The following MRPL1 variants were observed in gnomAD, a reference collection of about 807,000 sequenced individuals.
MRPL1 encodes the protein mitochondrial ribosomal protein L1.
In MRPL1, 28 loss-of-function variants were observed where a neutral mutation model predicts 38.0. The observed-to-expected ratio is 0.74, with a 90% CI of 0.55 to 1.01. The LOEUF is 1.01. Ranked by LOEUF, MRPL1 falls within the 50% of genes least tolerant of loss-of-function variation. The probability of loss-of-function intolerance (pLI) is 0.00; values close to 1 mark genes in which losing one functional copy is unlikely to be tolerated. For synonymous variants in MRPL1, 123 were observed against 126.7 expected (o/e 0.97, Z 0.20); for missense variants, 358 against 389.8 (o/e 0.92, Z 0.69).
At chr4:77,926,977 C>CT (rs960155819) in intron 7 of MRPL1, among the ~76,000 whole-genome samples, 2 of 151,912 alleles carry the variant, frequency 1.3e-5, no homozygotes, top group South Asian at 2.1e-4. Context: ...TTCTCTTTAC[C>CT]TTTTTTTTCT....
chr4:77,887,210 G>C lies in MRPL1; in HGVS notation c.487-10G>C. 1 of 1,606,780 alleles carries C rather than the reference G, an allele frequency of 6.2e-7. No homozygotes were observed. The highest frequency in any genetic ancestry group is 1.1e-5 in the South Asian group (1 of 90,942). ...TAATGATTGATTTTCAAATTATTGT[G>C]TTTTGGTAGAATGCATCAGAGGTCA... On this transcript the variant is annotated splice_polypyrimidine_tract_variant and intron_variant, in intron 4 of 8. Transcript: ENST00000315567.
intron 7 of MRPL1, among the ~76,000 whole-genome samples, chr4:77,940,328 T>G (rs999833448): frequency 6.6e-6 from 1 of 152,198 alleles, no homozygotes. Context: ...GGTTGAGTTC[T>G]TGACTTGATT....
At chr4:77,875,326 G>A (rs1398910583) in intron 2 of MRPL1, among the ~76,000 whole-genome samples, 1 of 152,124 alleles carries the variant, frequency 6.6e-6, no homozygotes, top group East Asian at 1.9e-4. Context: ...CTGGGGAAGA[G>A]TAGGGCAAGA....
chr4:77,895,420 T>TC (rs1478881221), intron 6 of MRPL1, among the ~76,000 whole-genome samples: 1 of 152,050 alleles, frequency 6.6e-6, no homozygotes, highest in Admixed American at 6.6e-5. Flanking sequence ...TAGAGAACTC[T>TC]CCTAATAAGT....
At chr4:77,900,979 T>C (rs1366110591) in intron 6 of MRPL1, among the ~76,000 whole-genome samples, 3 of 151,650 alleles carry the variant, frequency 2.0e-5, no homozygotes, top group Admixed American at 6.6e-5. Flanking sequence ...ACAGGAGTTA[T>C]TGATTAAATG....
intron 6 of MRPL1, 128 bp downstream of exon 6, chr4:77,894,378 C>A: frequency 1.8e-6 from 1 of 560,000 alleles, no homozygotes; most frequent in Non-Finnish European, 3.1e-6. Context: ...GTTTGAGTTA[C>A]GAGAACCTAC....
intron 6 of MRPL1, among the ~76,000 whole-genome samples, chr4:77,905,736 A>AT (rs1226435543): frequency 6.6e-6 from 1 of 152,134 alleles, no homozygotes; most frequent in Non-Finnish European, 1.5e-5. Context: ...AGATATATAC[A>AT]TTTTTTGATA....
At chr4:77,866,591 T>TC (rs1187303042) in intron 1 of MRPL1, among the ~76,000 whole-genome samples, 4 of 152,072 alleles carry the variant, frequency 2.6e-5, no homozygotes, top group Non-Finnish European at 2.9e-5. Context: ...CCATCTATCC[T>TC]CCCTCACACT....
chr4:77,931,347 G>A (rs1254650514), intron 7 of MRPL1, among the ~76,000 whole-genome samples: 3 of 152,240 alleles, frequency 2.0e-5, no homozygotes, highest in African/African-American at 7.2e-5. Context: ...CCTGCCTGCT[G>A]CTAAGGACAT....
intron 7 of MRPL1, among the ~76,000 whole-genome samples, chr4:77,945,023 T>C (rs1737221896): frequency 6.6e-6 from 1 of 151,994 alleles, no homozygotes; most frequent in African/African-American, 2.4e-5. Flanking sequence ...AGGATAATAA[T>C]AGCACCTACC....
intron 7 of MRPL1, among the ~76,000 whole-genome samples, chr4:77,936,037 G>T (rs1015718327): frequency 1.3e-5 from 2 of 151,916 alleles, no homozygotes; most frequent in African/African-American, 4.8e-5. Context: ...TTATTAAGAG[G>T]TAATAAATGC....
chr4:77,912,921 G>T (rs752487153), intron 7 of MRPL1, among the ~76,000 whole-genome samples: 19 of 152,128 alleles, frequency 1.2e-4, no homozygotes, highest in Admixed American at 5.2e-4. Context: ...TTTCCACAAG[G>T]TACAATGGCA....
intron 7 of MRPL1, among the ~76,000 whole-genome samples, chr4:77,929,799 C>A (rs1241518135): frequency 6.6e-6 from 1 of 150,792 alleles, no homozygotes; most frequent in African/African-American, 2.4e-5. Context: ...TAATATGGAA[C>A]AGAAAGCATA....
chr4:77,951,637 T>C, intron 8 of MRPL1, among the ~76,000 whole-genome samples: 1 of 152,230 alleles, frequency 6.6e-6, no homozygotes. Flanking sequence ...TATTTTATTA[T>C]AACATTGATA....
rs767208360 is a variant in MRPL1, at chr4:77,952,519, G to A, written c.890G>A (p.Ser297Asn). The change falls in exon 9 of 9, where the codon AGT becomes AAT. Residue 297 changes from serine (S) to asparagine (N), a missense_variant. Physicochemically the swap from Ser to Asn is conservative, Grantham distance 46. Transcript: ENST00000315567. ...GPFVVRAFLR[S>N]STSEGLLLKI... ...TTTGTGGTACGTGCTTTCCTTCGTAGTTCAACAAGTGAAGGTTTATTACTG... is the reference window on the plus strand; with the variant it reads ...TTTGTGGTACGTGCTTTCCTTCGTAATTCAACAAGTGAAGGTTTATTACTG... 2.5e-6 allele frequency: 4 copies of A among 1,612,918 alleles called. No homozygotes were observed. The African/African-American group carries it at 5.3e-5, about 22-fold the overall frequency.
intron 2 of MRPL1, among the ~76,000 whole-genome samples, chr4:77,877,682 C>T (rs552432355): frequency 2.9e-4 from 43 of 149,044 alleles, no homozygotes; most frequent in Admixed American, 8.2e-4. Context: ...CTCAGCATTT[C>T]TGTTCCTTCT....
intron 7 of MRPL1, among the ~76,000 whole-genome samples, chr4:77,934,893 A>G (rs1440008770): frequency 6.6e-6 from 1 of 152,228 alleles, no homozygotes; most frequent in Admixed American, 6.5e-5. Flanking sequence ...ATGAACCTTG[A>G]GAACATTTTG....
chr4:77,878,952 CAG>C (rs1254382794), intron 2 of MRPL1, among the ~76,000 whole-genome samples: 2 of 152,100 alleles, frequency 1.3e-5, no homozygotes, highest in Non-Finnish European at 2.9e-5. Context: ...ACAGATGAGA[CAG>C]GGGAAAAGTT....
At chr4:77,917,815 G>A (rs12511439) in intron 7 of MRPL1, among the ~76,000 whole-genome samples, 4,371 of 152,176 alleles carry the variant, frequency 0.029, 107 homozygotes, top group Middle Eastern at 0.075. Flanking sequence ...CAGCACTTTC[G>A]GAAGCTGAGG....
Sources: allele counts gnomAD v4.1 joint callset (sites outside exome capture counted in the v4.1 genomes callset), GRCh38; gene constraint gnomAD v4.1.1; transcripts MANE v1.5; gene names NCBI Gene and HGNC (gene_info 2026-07-23, HGNC 2026-07-21).